The following NFASC variants were observed in gnomAD, a reference collection of about 807,000 sequenced individuals.
NFASC encodes the protein neurofascin.
In NFASC, 43 loss-of-function variants were observed where a neutral mutation model predicts 147.5. That is an observed-to-expected ratio of 0.29 (90% CI 0.23 to 0.38). The LOEUF (loss-of-function observed/expected upper bound fraction) is 0.38, where lower values mean the gene tolerates loss of function less well. NFASC is among the 10% of genes least tolerant of loss of function. The probability of loss-of-function intolerance (pLI) is 1.00; values close to 1 mark genes in which losing one functional copy is unlikely to be tolerated. For synonymous variants in NFASC, 622 were observed against 665.5 expected (o/e 0.93, Z 1.01); for missense variants, 1,320 against 1,689.0 (o/e 0.78, Z 3.83).
intron 3 of NFASC, among the ~76,000 whole-genome samples, chr1:204,949,983 A>G (rs1288378895): frequency 6.6e-6 from 1 of 152,252 alleles, no homozygotes; most frequent in Non-Finnish European, 1.5e-5. Flanking sequence ...CATGAATAGA[A>G]GCAATGTACC....
chr1:205,009,770 G>A (rs184957720), intron 28 of NFASC, 82 bp downstream of exon 28: 1 of 1,443,694 alleles, frequency 6.9e-7, no homozygotes, highest in Non-Finnish European at 9.5e-7. Context: ...GCCAGATCCG[G>A]GGAATGTGTT....
At chr1:204,887,927 A>T (rs769802303) in intron 1 of NFASC, among the ~76,000 whole-genome samples, 22 of 152,058 alleles carry the variant, frequency 1.4e-4, no homozygotes, top group Non-Finnish European at 2.8e-4. Flanking sequence ...TGGGAGTTGG[A>T]GGCTGGAAAT....
chr1:205,003,877 C>T (rs116001076), intron 27 of NFASC, among the ~76,000 whole-genome samples: 1,685 of 152,326 alleles, frequency 0.011, 35 homozygotes, highest in African/African-American at 0.039. Context: ...AGCATCCTGT[C>T]TTCCTCCGTG....
At chr1:204,992,595 G>T (rs1203847085) in intron 24 of NFASC, among the ~76,000 whole-genome samples, 1 of 152,134 alleles carries the variant, frequency 6.6e-6, no homozygotes, top group Non-Finnish European at 1.5e-5. Context: ...CCAGGCCTGG[G>T]GAACAGGGTG....
chr1:204,951,470 A>AT (rs72061574), intron 4 of NFASC, among the ~76,000 whole-genome samples: 18 of 134,632 alleles, frequency 1.3e-4, no homozygotes, highest in Admixed American at 3.0e-4. Flanking sequence ...GGCCTATGGG[A>AT]TTTTTTTTTT....
Position 204,987,246 on chromosome 1 carries a change from G to A in NFASC, c.2471-172G>A, listed in dbSNP as rs2095634009. On this transcript the variant is annotated intron_variant, in intron 21 of 29. Coordinates refer to ENST00000339876, the MANE Select transcript of NFASC (RefSeq NM_001005388.3). This position sits in a 1 kb window ranked among gnomAD's most constrained non-coding sequence, Gnocchi z 4.4. Reference sequence around the variant, plus strand: ...CCTGAAGGAAATAGCATCCTGGATGGGGCAATGGGCTCCGGTCGTCTCACG... The same window carrying A: ...CCTGAAGGAAATAGCATCCTGGATGAGGCAATGGGCTCCGGTCGTCTCACG... 4.8e-6 allele frequency: 3 copies of A among 621,746 alleles called. No homozygotes were observed. The highest frequency in any genetic ancestry group is 8.5e-6 in the Non-Finnish European group (3 of 352,072). The allele number at this position is 621,746 out of a possible 1,614,324, so 38.5% of individuals were successfully genotyped here. A position where few individuals can be genotyped will look rare whatever the true frequency, so the allele number is the denominator to read the frequency against.
At chr1:204,956,690 T>C (rs1411835386) in intron 7 of NFASC, among the ~76,000 whole-genome samples, 1 of 152,220 alleles carries the variant, frequency 6.6e-6, no homozygotes, top group Non-Finnish European at 1.5e-5. Context: ...GCCTGGCACA[T>C]AGTAGGCCTA....
At chr1:204,871,256 G>T (rs1274526298) in intron 1 of NFASC, among the ~76,000 whole-genome samples, 2 of 152,228 alleles carry the variant, frequency 1.3e-5, no homozygotes, top group Admixed American at 6.5e-5. Flanking sequence ...ATTGGTTGGG[G>T]TTAAGATCTG....
chr1:204,893,387 T>C (rs536946919), intron 1 of NFASC, among the ~76,000 whole-genome samples: 46 of 152,266 alleles, frequency 3.0e-4, no homozygotes, highest in African/African-American at 1.1e-3. Flanking sequence ...CAGGAGGTGA[T>C]TGCAACCATT....
Position 204,975,303 on chromosome 1 carries a change from C to A in NFASC, c.1591C>A (p.Gln531Lys). ...CAGGATCTACCGGATGCCCGAGGACCAGGTGGCCAGAAGGGGCACCACGGT... is the reference window on the plus strand; with the variant it reads ...CAGGATCTACCGGATGCCCGAGGACAAGGTGGCCAGAAGGGGCACCACGGT... ...PTRIYRMPED[Q>K]VARRGTTVQL... The change falls in exon 15 of 30, where the codon CAG becomes AAG. Residue 531 changes from glutamine to lysine, a missense_variant. Around this residue, in one of 3 missense-constraint regions of NFASC, gnomAD observed 981 missense variants for 1,289.5 expected, o/e 0.76. Transcript: ENST00000339876. This position sits in a 1 kb window ranked among gnomAD's most constrained non-coding sequence, Gnocchi z 4.0. 2 of 1,613,832 alleles carry A rather than the reference C, an allele frequency of 1.2e-6. No homozygotes were observed. Among genetic ancestry groups the A allele is most frequent in the Non-Finnish European group, 1.7e-6 (2 of 1,179,798 alleles).
intron 1 of NFASC, among the ~76,000 whole-genome samples, chr1:204,877,531 G>A (rs1368899333): frequency 1.3e-5 from 2 of 152,110 alleles, no homozygotes; most frequent in African/African-American, 4.8e-5. Flanking sequence ...TAGTTACTGA[G>A]GTGGGAGGTA....
rs2095344510 is a variant in NFASC, at chr1:204,974,286, C to A, written c.1387C>A (p.Arg463=). 6.2e-7 allele frequency: 1 copy of A among 1,610,938 alleles called. No individual in the cohort carries two copies. The highest frequency in any genetic ancestry group is 1.7e-5 in the Admixed American group (1 of 59,988). Residue 463 remains arginine, a synonymous_variant, in exon 13 of 30, where the codon CGA becomes AGA. Coordinates refer to ENST00000339876, the MANE Select transcript of NFASC (RefSeq NM_001005388.3). The part of the protein sequence containing the change: ...PFFGSPIPTL[R]WFKNGQGSNL... Reference sequence around the variant, plus strand: ...CTTTGGGTCTCCCATCCCCACACTGCGATGGTAAGTTCCAGGAGATCAGGC... The same window carrying A: ...CTTTGGGTCTCCCATCCCCACACTGAGATGGTAAGTTCCAGGAGATCAGGC...
At chr1:205,002,539 C>G (rs769096667) in intron 26 of NFASC, 57 bp from the exon 27 acceptor site, 1 of 1,367,338 alleles carries the variant, frequency 7.3e-7, no homozygotes, top group Non-Finnish European at 9.6e-7. Flanking sequence ...GACCTAAGCA[C>G]TGGCTCTCCA....
intron 11 of NFASC, among the ~76,000 whole-genome samples, chr1:204,972,935 T>C (rs1385834795): frequency 6.6e-6 from 1 of 152,208 alleles, no homozygotes; most frequent in East Asian, 1.9e-4. Flanking sequence ...CTCACAGAGA[T>C]TGAATGATGC....
rs2094351805 is a variant in NFASC, at chr1:204,954,896, C to G, written c.480C>G (p.Leu160=). ...VVVQEGAPLT[L]QCNPPPGLPS... ...TCCAAGAGGGCGCTCCTTTGACGCT[C>G]CAGTGCAACCCCCCGCCTGGACTTC... The change falls in exon 7 of 30, where the codon CTC becomes CTG. Residue 160 remains leucine (L), a synonymous_variant. Transcript: ENST00000339876. This position sits in a 1 kb window ranked among gnomAD's most constrained non-coding sequence, Gnocchi z 5.7. 3 of 1,614,014 alleles carry G rather than the reference C, an allele frequency of 1.9e-6. No individual in the cohort carries two copies. Among genetic ancestry groups the G allele is most frequent in the Non-Finnish European group, 1.7e-6 (2 of 1,180,030 alleles).
chr1:204,927,672 G>A (rs1295568223), intron 2 of NFASC, among the ~76,000 whole-genome samples: 1 of 151,858 alleles, frequency 6.6e-6, no homozygotes, highest in Non-Finnish European at 1.5e-5. Context: ...CCACCCTTAG[G>A]GACCTGTCAC....
Position 204,954,232 on chromosome 1 carries a change from A to C in NFASC, c.260A>C (p.Asp87Ala), listed in dbSNP as rs1365111922. 2 of 1,613,886 alleles carry C rather than the reference A, an allele frequency of 1.2e-6. No homozygotes were observed. Among genetic ancestry groups the C allele is most frequent in the Non-Finnish European group, 1.7e-6 (2 of 1,179,956 alleles). ...AGCAGATTCTTCAACATCGCCAAGG[A>C]CCCCCGGGTGTCCATGAGGAGGAGG... ...RNSRFFNIAK[D>A]PRVSMRRRSG... Residue 87 changes from aspartate (D) to alanine (A), a missense_variant, in exon 6 of 30, where the codon GAC becomes GCC. By Grantham distance (126) the Asp-to-Ala change is moderately radical. Transcript: ENST00000339876. This position sits in a 1 kb window ranked among gnomAD's most constrained non-coding sequence, Gnocchi z 5.7.
At chr1:205,006,662 AG>A (rs2150965051) in intron 27 of NFASC, among the ~76,000 whole-genome samples, 1 of 152,346 alleles carries the variant, frequency 6.6e-6, no homozygotes, top group Non-Finnish European at 1.5e-5. Flanking sequence ...TTGTATCCAC[AG>A]GAAGTGGCAG....
intron 1 of NFASC, among the ~76,000 whole-genome samples, chr1:204,867,305 A>G (rs1367913348): frequency 6.6e-6 from 1 of 152,106 alleles, no homozygotes; most frequent in Non-Finnish European, 1.5e-5. Context: ...ATATCCAGAT[A>G]GGCATATGTG....
Sources: gnomAD v4.1 joint callset for allele counts (sites outside exome capture counted in the v4.1 genomes callset) on GRCh38, gnomAD v4.1.1 for gene constraint, gnomAD v4.1.1 regional missense constraint, Gnocchi (gnomAD v3.1) non-coding constraint, MANE v1.5 for transcripts, NCBI Gene and HGNC (gene_info 2026-07-23, HGNC 2026-07-21) for gene names.